The following MXI1 variants were observed in gnomAD, a reference collection of about 807,000 sequenced individuals.
MXI1 encodes MAX interactor 1, dimerization protein, also known as max-interacting protein 1.
Under a neutral mutation model 36.9 loss-of-function variants are expected in MXI1, and 18 were observed. The observed-to-expected ratio is 0.49, with a 90% CI of 0.34 to 0.72. The LOEUF (loss-of-function observed/expected upper bound fraction) is 0.72, where lower values mean the gene tolerates loss of function less well. MXI1 is among the 30% of genes least tolerant of loss of function. The pLI is 0.01. For synonymous variants in MXI1, 160 were observed against 146.7 expected, an observed-to-expected ratio of 1.09 and a Z score of -0.65; for missense variants, 304 against 379.1, an observed-to-expected ratio of 0.80 and a Z score of 1.64.
In MXI1 at chr10:110,255,458, C is replaced by T. The variant is rs188936524; in HGVS notation, c.437+10601C>T. Among the ~76,000 whole-genome samples, 3 of 152,272 alleles carry T rather than the reference C, an allele frequency of 2.0e-5. No individual in the cohort carries two copies. The East Asian group carries it at 5.8e-4, about 29-fold the overall frequency. On this transcript the variant is annotated intron_variant, in intron 3 of 5. Transcript: ENST00000332674. ...TGGACCAAGGTGTGATTTCAACTTT[C>T]AAGTCTTATTATTTCAGAAATACAT... is the stretch of plus-strand genomic sequence containing the variant.
intron 1 of MXI1, among the ~76,000 whole-genome samples, chr10:110,217,113 GCACT>G (rs1426787236): frequency 6.6e-6 from 1 of 151,934 alleles, no homozygotes; most frequent in African/African-American, 2.4e-5. Flanking sequence ...GGGGCCTTCT[GCACT>G]TGGAGGATTG....
At chr10:110,247,747 G>A (rs1855924612) in intron 3 of MXI1, among the ~76,000 whole-genome samples, 3 of 152,128 alleles carry the variant, frequency 2.0e-5, no homozygotes, top group Admixed American at 1.3e-4. Context: ...ACTGTTGGTG[G>A]GACTGTAAAT....
At chr10:110,277,913 C>T (rs181201379) in intron 3 of MXI1, among the ~76,000 whole-genome samples, 1 of 152,310 alleles carries the variant, frequency 6.6e-6, no homozygotes, top group East Asian at 1.9e-4. Flanking sequence ...TTTCACTTGA[C>T]ATTATTTCTT....
chr10:110,265,089 A>G (rs1406585068), intron 3 of MXI1, among the ~76,000 whole-genome samples: 1 of 152,204 alleles, frequency 6.6e-6, no homozygotes, highest in African/African-American at 2.4e-5. Context: ...TCAATTTGCA[A>G]AATGGACACA....
At chr10:110,249,462 C>T (rs950218243) in intron 3 of MXI1, among the ~76,000 whole-genome samples, 1 of 151,314 alleles carries the variant, frequency 6.6e-6, no homozygotes, top group African/African-American at 2.4e-5. Context: ...CCTTGTAATC[C>T]CAACTTCTTG....
chr10:110,264,563 A>G (rs1397680580), intron 3 of MXI1, among the ~76,000 whole-genome samples: 4 of 151,934 alleles, frequency 2.6e-5, no homozygotes, highest in African/African-American at 9.7e-5. Flanking sequence ...ACGGGGTTTC[A>G]CCATGTTGGC....
intron 2 of MXI1, among the ~76,000 whole-genome samples, chr10:110,242,091 T>TTA (rs1277204702): frequency 5.9e-5 from 9 of 151,982 alleles, no homozygotes; most frequent in African/African-American, 2.2e-4. Flanking sequence ...TTGCTTATCT[T>TTA]ATCCCTTCCA....
At chr10:110,282,616 A>G (rs78768832) in intron 5 of MXI1, among the ~76,000 whole-genome samples, 1,724 of 151,926 alleles carry the variant, frequency 0.011, 28 homozygotes, top group African/African-American at 0.038. Context: ...ACTACCTCCA[A>G]ATTTCAGAGA....
chr10:110,210,119 A>G (rs1349044291), intron 1 of MXI1: 1 of 333,364 alleles, frequency 3.0e-6, no homozygotes, highest in Non-Finnish European at 4.1e-6. Context: ...GCCACCAGTC[A>G]CGTAAGCAGA....
chr10:110,216,957 C>T (rs750700606), intron 1 of MXI1, among the ~76,000 whole-genome samples: 5 of 152,170 alleles, frequency 3.3e-5, no homozygotes, highest in Admixed American at 6.5e-5. Context: ...CATGAGCCAC[C>T]GTGCCCGGCC....
In MXI1 at chr10:110,234,545, A is replaced by G. The variant is rs116864520; in HGVS notation, c.407+6224A>G. 1.6e-3 allele frequency among the ~76,000 whole-genome samples: 243 copies of G among 152,186 alleles called. 2 individuals are homozygous for G. The highest frequency in any genetic ancestry group is 3.0e-3 in the Non-Finnish European group (203 of 67,988). On this transcript the variant is annotated intron_variant, in intron 2 of 5. Transcript: ENST00000332674. Reference sequence around the variant, plus strand: ...TAATATACTCAGCTCCTCCCCATAGATGCAGGTGTTATACATCTATGGTAC... The same window carrying G: ...TAATATACTCAGCTCCTCCCCATAGGTGCAGGTGTTATACATCTATGGTAC...
chr10:110,219,803 A>G (rs1210100907), intron 1 of MXI1, among the ~76,000 whole-genome samples: 2 of 152,270 alleles, frequency 1.3e-5, no homozygotes, highest in Non-Finnish European at 2.9e-5. Context: ...TGCCTGGCAC[A>G]TAACAGATGC....
At position 110,266,114 on chromosome 10, in the gene MXI1, C is replaced by CTTT. The variant is rs200154048; in HGVS notation, c.438-13057_438-13055dup. On this transcript the variant is annotated intron_variant, in intron 3 of 5. Transcript: ENST00000332674. ...AATACAGAGTCTTTTTCTTTTCTTT[C>CTTT]TTTTTTTTTTTGAGACAGAGTCTCG... is the stretch of plus-strand genomic sequence containing the variant. Among the ~76,000 whole-genome samples the CTTT allele has an allele frequency of 6.1e-5, 9 of 146,968 alleles. No homozygotes were observed. The South Asian group carries it at 8.6e-4, about 14-fold the overall frequency.
chr10:110,220,951 C>T (rs146664846), intron 1 of MXI1, among the ~76,000 whole-genome samples: 4 of 152,304 alleles, frequency 2.6e-5, no homozygotes, highest in Non-Finnish European at 5.9e-5. Flanking sequence ...TTTACACTAA[C>T]AAATGTTGAA....
chr10:110,258,632 A>G (rs1856398192), intron 3 of MXI1, among the ~76,000 whole-genome samples: 1 of 152,140 alleles, frequency 6.6e-6, no homozygotes, highest in Non-Finnish European at 1.5e-5. Flanking sequence ...AGACCAACTA[A>G]AAATAGTTGT....
chr10:110,249,032 T>A (rs1855973355), intron 3 of MXI1, among the ~76,000 whole-genome samples: 2 of 152,162 alleles, frequency 1.3e-5, no homozygotes, highest in African/African-American at 4.8e-5. Flanking sequence ...TTTTACATTT[T>A]AAGGCCCCCA....
intron 2 of MXI1, among the ~76,000 whole-genome samples, chr10:110,238,445 G>C (rs959610339): frequency 1.3e-5 from 2 of 152,040 alleles, no homozygotes; most frequent in Non-Finnish European, 2.9e-5. Context: ...TATATTATTG[G>C]GTTCAATTTG....
chr10:110,285,486 C>T lies in MXI1; in HGVS notation c.*499C>T, dbSNP rs1296033937. 2 of 151,806 alleles carry T rather than the reference C, an allele frequency of 1.3e-5. No homozygotes were observed. Among genetic ancestry groups the T allele is most frequent in the African/African-American group, 2.4e-5 (1 of 41,248 alleles). The allele number at this position is 151,806 out of a possible 1,614,324, so 9.4% of individuals were successfully genotyped here. On this transcript the variant is annotated 3_prime_UTR_variant, in exon 6 of 6. Coordinates refer to ENST00000332674, the MANE Select transcript of MXI1 (RefSeq NM_130439.3). ...TGAGCTATTAAAACTCAGCCTGGGACAGTTTATCATGAAGCCTGTGGATGA... is the reference window on the plus strand; with the variant it reads ...TGAGCTATTAAAACTCAGCCTGGGATAGTTTATCATGAAGCCTGTGGATGA...
chr10:110,269,137 A>G (rs1176921934), intron 3 of MXI1, among the ~76,000 whole-genome samples: 1 of 152,210 alleles, frequency 6.6e-6, no homozygotes, highest in Non-Finnish European at 1.5e-5. Flanking sequence ...GCAATGCCAA[A>G]CCATTTGCCA....
Sources: gnomAD v4.1 joint callset for allele counts (sites outside exome capture counted in the v4.1 genomes callset) on GRCh38, gnomAD v4.1.1 for gene constraint, MANE v1.5 for transcripts, NCBI Gene and HGNC (gene_info 2026-07-23, HGNC 2026-07-21) for gene names.